Variants in COL14A1 observed in about 807,000 individuals in gnomAD.
The protein encoded by COL14A1 is collagen type XIV alpha 1 chain, also known as collagen alpha-1(XIV) chain.
A neutral mutation model predicts 230.3 loss-of-function variants in COL14A1; 136 were observed. That is an observed-to-expected ratio of 0.59 (90% CI 0.51 to 0.68). COL14A1 has a LOEUF of 0.68. COL14A1 is among the 30% of genes least tolerant of loss of function. COL14A1 has a pLI of 0.00. For synonymous variants in COL14A1, 792 were observed against 784.1 expected (o/e 1.01, Z -0.17); for missense variants, 1,976 against 2,215.8 (o/e 0.89, Z 2.17).
At chr8:120,332,592 C>A (rs1479145207) in intron 41 of COL14A1, 72 bp from the exon 42 acceptor site, 1 of 1,296,364 alleles carries the variant, frequency 7.7e-7, no homozygotes, top group Non-Finnish European at 1.1e-6. Context: ...GTTACTCTTG[C>A]TTAAAAGTTG....
intron 4 of COL14A1, among the ~76,000 whole-genome samples, chr8:120,163,067 C>T (rs187097751): frequency 1.3e-5 from 2 of 152,330 alleles, no homozygotes; most frequent in Admixed American, 1.3e-4. Flanking sequence ...GCCTGCATCT[C>T]CTCTGTAGGA....
At chr8:120,129,111 A>G (rs1217814516) in intron 1 of COL14A1, among the ~76,000 whole-genome samples, 1 of 152,214 alleles carries the variant, frequency 6.6e-6, no homozygotes, top group Non-Finnish European at 1.5e-5. Context: ...ATGTGCTGGC[A>G]CTGTGCTAAG....
At chr8:120,135,564 A>G (rs1279140073) in intron 1 of COL14A1, among the ~76,000 whole-genome samples, 2 of 152,142 alleles carry the variant, frequency 1.3e-5, no homozygotes, top group East Asian at 1.9e-4. Context: ...TGCCCAACCC[A>G]TTAATACTTT....
At chr8:120,256,849 T>A (rs760083550) in intron 23 of COL14A1, among the ~76,000 whole-genome samples, 1 of 152,222 alleles carries the variant, frequency 6.6e-6, no homozygotes, top group Non-Finnish European at 1.5e-5. Context: ...CACAGTTCTT[T>A]TATATGATTT....
intron 40 of COL14A1, among the ~76,000 whole-genome samples, chr8:120,319,261 A>G (rs918799285): frequency 5.9e-5 from 9 of 152,202 alleles, no homozygotes; most frequent in Admixed American, 1.3e-4. Flanking sequence ...GGCTCAAGTG[A>G]TCCTCCCACC....
At chr8:120,228,857 A>G (rs376296641) in intron 18 of COL14A1, 88 bp downstream of exon 18, 5 of 1,155,846 alleles carry the variant, frequency 4.3e-6, no homozygotes, top group East Asian at 4.9e-5. Flanking sequence ...ATTATTAACT[A>G]GGAAAAGAGA....
chr8:120,226,730 G>T lies in COL14A1; in HGVS notation c.1968G>T (p.Leu656Phe). Residue 656 changes from leucine (L) to phenylalanine (F), a missense_variant, in exon 16 of 48, where the codon TTG becomes TTT. Physicochemically the swap from Leu to Phe is conservative, Grantham distance 22. Coordinates refer to ENST00000297848, the MANE Select transcript of COL14A1 (RefSeq NM_021110.4). ...CAGCTGATGAAGGGCTACACAAATT[G>T]ATGTGGATTCCAGTCTATGGGGGGA... Reference protein sequence around the residue: ...PLSADEGLHKLMWIPVYGGKT... With the variant: ...PLSADEGLHKFMWIPVYGGKT... 6 of 1,613,872 alleles carry T rather than the reference G, an allele frequency of 3.7e-6. No individual in the cohort carries two copies. Among genetic ancestry groups the T allele is most frequent in the Non-Finnish European group, 5.1e-6 (6 of 1,179,852 alleles).
intron 42 of COL14A1, among the ~76,000 whole-genome samples, chr8:120,335,944 C>T (rs143384223): frequency 6.6e-6 from 1 of 152,154 alleles, no homozygotes; most frequent in Non-Finnish European, 1.5e-5. Context: ...ATACCTGGGT[C>T]CTTGATGTAG....
intron 45 of COL14A1, among the ~76,000 whole-genome samples, chr8:120,361,084 T>C (rs1823195659): frequency 6.6e-6 from 1 of 152,134 alleles, no homozygotes; most frequent in Non-Finnish European, 1.5e-5. Flanking sequence ...TCATTGTCTC[T>C]ACTCTCCTAC....
intron 7 of COL14A1, among the ~76,000 whole-genome samples, chr8:120,198,309 GC>G (rs1484074535): frequency 1.3e-5 from 2 of 152,114 alleles, no homozygotes; most frequent in South Asian, 4.2e-4. Flanking sequence ...TATTTTCTTT[GC>G]CCTTATTCTG....
At chr8:120,315,716 C>A in intron 39 of COL14A1, 130 bp downstream of exon 39, 1 of 823,642 alleles carries the variant, frequency 1.2e-6, no homozygotes, top group Non-Finnish European at 2.0e-6. Context: ...TGCCTGTATT[C>A]ACTTACCCTA....
chr8:120,217,606 A>T lies in COL14A1; in HGVS notation c.1737+1116A>T, dbSNP rs1368908739. On this transcript the variant is annotated intron_variant, in intron 14 of 47. Transcript: ENST00000297848. ...TGTAATGGACGGGCAGTAAGTACAC[A>T]TTTGCTAACATATAGAAATACTGTT... Among the ~76,000 whole-genome samples, 7 of 152,196 alleles carry T rather than the reference A, an allele frequency of 4.6e-5. No individual in the cohort carries two copies. The East Asian group carries it at 1.3e-3, about 29-fold the overall frequency.
intron 14 of COL14A1, among the ~76,000 whole-genome samples, chr8:120,219,230 C>G (rs960462333): frequency 3.9e-5 from 6 of 152,152 alleles, no homozygotes; most frequent in Admixed American, 1.3e-4. Context: ...GATCCTCCCA[C>G]CTCAGCCTCC....
intron 45 of COL14A1, among the ~76,000 whole-genome samples, chr8:120,362,976 C>T (rs1272790718): frequency 6.6e-6 from 1 of 152,064 alleles, no homozygotes; most frequent in Non-Finnish European, 1.5e-5. Context: ...TTCATTGGAG[C>T]CAATTATATT....
At chr8:120,135,510 C>T (rs1379625855) in intron 1 of COL14A1, among the ~76,000 whole-genome samples, 1 of 152,180 alleles carries the variant, frequency 6.6e-6, no homozygotes, top group East Asian at 1.9e-4. Context: ...GGTGATCTGC[C>T]TGTCTTGGCC....
intron 40 of COL14A1, among the ~76,000 whole-genome samples, chr8:120,321,585 G>A (rs1821445699): frequency 6.6e-6 from 1 of 151,658 alleles, no homozygotes; most frequent in Non-Finnish European, 1.5e-5. Flanking sequence ...GGAGATTGCA[G>A]TGAGCCGAGA....
chr8:120,244,918 C>A (rs1384135689), intron 20 of COL14A1, among the ~76,000 whole-genome samples: 1 of 152,102 alleles, frequency 6.6e-6, no homozygotes, highest in African/African-American at 2.4e-5. Flanking sequence ...TATGTCCTTC[C>A]GTGCCTTACA....
chr8:120,231,730 C>T, intron 19 of COL14A1, 112 bp downstream of exon 19: 1 of 1,128,252 alleles, frequency 8.9e-7, no homozygotes. Context: ...GTGACTCTGC[C>T]ATCTCCAGAA....
chr8:120,360,369 A>G (rs1200587330), intron 45 of COL14A1, among the ~76,000 whole-genome samples: 1 of 152,182 alleles, frequency 6.6e-6, no homozygotes, highest in Non-Finnish European at 1.5e-5. Flanking sequence ...GTATCTCTCC[A>G]TAGTCTGGCA....
Sources: allele counts gnomAD v4.1 joint callset (sites outside exome capture counted in the v4.1 genomes callset), GRCh38; gene constraint gnomAD v4.1.1; transcripts MANE v1.5; gene names NCBI Gene and HGNC (gene_info 2026-07-23, HGNC 2026-07-21).